PPFIA2: variants seen among roughly 807,000 people sequenced by gnomAD.
PPFIA2 encodes liprin-alpha-2.
PPFIA2 carries 46 observed loss-of-function variants against 175.5 expected under a neutral mutation model. The ratio of observed to expected loss-of-function variants is 0.26; its 90% confidence interval spans 0.21 to 0.34. The LOEUF is 0.34. Ranked by LOEUF, PPFIA2 falls within the 10% of genes least tolerant of loss-of-function variation. The probability of loss-of-function intolerance (pLI) is 1.00; values close to 1 mark genes in which losing one functional copy is unlikely to be tolerated. For synonymous variants in PPFIA2, 568 were observed against 511.4 expected, an observed-to-expected ratio of 1.11 and a Z score of -1.49; for missense variants, 1,179 against 1,506.1, an observed-to-expected ratio of 0.78 and a Z score of 3.60.
chr12:81,286,202 G>C (rs2043323571), intron 24 of PPFIA2, among the ~76,000 whole-genome samples: 1 of 151,836 alleles, frequency 6.6e-6, no homozygotes, highest in Non-Finnish European at 1.5e-5. Flanking sequence ...ATTTTAAAAA[G>C]AGTCAAAAGT....
At chr12:81,332,302 T>C (rs1235742863) in intron 21 of PPFIA2, among the ~76,000 whole-genome samples, 1 of 152,128 alleles carries the variant, frequency 6.6e-6, no homozygotes, top group Non-Finnish European at 1.5e-5. Flanking sequence ...ATCACACTTC[T>C]GACCCAGCCA....
intron 3 of PPFIA2, among the ~76,000 whole-genome samples, chr12:81,688,488 T>C (rs947425059): frequency 3.3e-5 from 5 of 151,850 alleles, no homozygotes; most frequent in Non-Finnish European, 7.4e-5. Flanking sequence ...GATCTTCTCC[T>C]ATCTGACACA....
intron 4 of PPFIA2, among the ~76,000 whole-genome samples, chr12:81,652,897 T>C (rs1476294657): frequency 1.3e-5 from 2 of 152,120 alleles, no homozygotes; most frequent in East Asian, 3.9e-4. Context: ...TCTTATGTTC[T>C]CTGTTTTGGT....
At chr12:81,574,666 C>T (rs2073185463) in intron 4 of PPFIA2, among the ~76,000 whole-genome samples, 1 of 151,052 alleles carries the variant, frequency 6.6e-6, no homozygotes, top group Non-Finnish European at 1.5e-5. Flanking sequence ...AAAATTTTGC[C>T]TGTAGTTACC....
chr12:81,385,803 GC>G lies in PPFIA2; in HGVS notation c.763-1560del, dbSNP rs528621013. 2.8e-3 allele frequency among the ~76,000 whole-genome samples: 424 copies of G among 152,178 alleles called. 2 individuals are homozygous for G. Among genetic ancestry groups the G allele is most frequent in the African/African-American group, 9.6e-3 (400 of 41,538 alleles). ...TAATGGTCTATTACACAGCATGATAGCTACAGTTAATAATAAATAATACATT... is the reference window on the plus strand; with the variant it reads ...TAATGGTCTATTACACAGCATGATAGTACAGTTAATAATAAATAATACATT... On this transcript the variant is annotated intron_variant, in intron 8 of 32. Transcript: ENST00000549396.
At position 81,258,173 on chromosome 12, in the gene PPFIA2, A is replaced by T. The variant is rs2034389319; in HGVS notation, c.*1521T>A. 6.6e-6 allele frequency: 1 copy of T among 152,164 alleles called. No individual in the cohort carries two copies. Among genetic ancestry groups the T allele is most frequent in the Admixed American group, 6.6e-5 (1 of 15,252 alleles). The allele number at this position is 152,164 out of a possible 1,614,324, so 9.4% of individuals were successfully genotyped here. Reference sequence around the variant, plus strand: ...TTGTGGCAGACTCAATTTTGAAGCTAAATATTTGGGTCACCCAAAGAACAC... The same window carrying T: ...TTGTGGCAGACTCAATTTTGAAGCTTAATATTTGGGTCACCCAAAGAACAC... On this transcript the variant is annotated 3_prime_UTR_variant, in exon 33 of 33. Transcript: ENST00000549396.
intron 4 of PPFIA2, among the ~76,000 whole-genome samples, chr12:81,591,731 G>A (rs1922399): frequency 1.3e-5 from 2 of 151,972 alleles, no homozygotes; most frequent in Non-Finnish European, 1.5e-5. Flanking sequence ...CAGAAGTCAA[G>A]AATTGAGGTT....
At chr12:81,725,606 G>GA (rs1181316769) in intron 3 of PPFIA2, among the ~76,000 whole-genome samples, 2 of 149,980 alleles carry the variant, frequency 1.3e-5, no homozygotes, top group Non-Finnish European at 3.0e-5. Flanking sequence ...CATAAAGTTA[G>GA]AAAAAATATA....
intron 4 of PPFIA2, among the ~76,000 whole-genome samples, chr12:81,563,505 T>C (rs2070642874): frequency 6.6e-6 from 1 of 152,204 alleles, no homozygotes; most frequent in African/African-American, 2.4e-5. Flanking sequence ...GGTTTCCTTT[T>C]TAGTGAATTA....
intron 4 of PPFIA2, among the ~76,000 whole-genome samples, chr12:81,586,820 A>G (rs1346924311): frequency 1.3e-5 from 2 of 151,858 alleles, no homozygotes; most frequent in African/African-American, 2.4e-5. Flanking sequence ...TTAACATTAC[A>G]TTTCTCTAAA....
At chr12:81,532,110 G>A (rs116908309) in intron 4 of PPFIA2, among the ~76,000 whole-genome samples, 126 of 151,918 alleles carry the variant, frequency 8.3e-4, no homozygotes, top group Non-Finnish European at 1.5e-3. Flanking sequence ...AAAAGCAGCC[G>A]TGACATTTGT....
At chr12:81,324,566 T>C (rs1285550919) in intron 22 of PPFIA2, among the ~76,000 whole-genome samples, 1 of 152,042 alleles carries the variant, frequency 6.6e-6, no homozygotes, top group Non-Finnish European at 1.5e-5. Context: ...CAAAGGAAAG[T>C]ATTTTTTAGA....
chr12:81,302,448 AT>A (rs894355369), intron 22 of PPFIA2, among the ~76,000 whole-genome samples: 3 of 152,128 alleles, frequency 2.0e-5, no homozygotes, highest in African/African-American at 7.2e-5. Flanking sequence ...AAAAAGTTTT[AT>A]TTTCTTGGTT....
At chr12:81,454,737 G>C (rs1194136295) in intron 5 of PPFIA2, among the ~76,000 whole-genome samples, 3 of 152,050 alleles carry the variant, frequency 2.0e-5, no homozygotes, top group South Asian at 2.1e-4. Flanking sequence ...ATTTAGCTCA[G>C]TTCATGAACA....
chr12:81,682,252 A>C (rs1388467370), intron 3 of PPFIA2, among the ~76,000 whole-genome samples: 1 of 152,010 alleles, frequency 6.6e-6, no homozygotes, highest in Non-Finnish European at 1.5e-5. Flanking sequence ...CACTGAGCAA[A>C]GGCCATATGA....
chr12:81,498,776 C>A (rs901242530), intron 4 of PPFIA2, among the ~76,000 whole-genome samples: 5 of 152,106 alleles, frequency 3.3e-5, no homozygotes, highest in African/African-American at 1.2e-4. Flanking sequence ...AGGCACACAC[C>A]ACCATGCTTG....
intron 24 of PPFIA2, among the ~76,000 whole-genome samples, chr12:81,287,544 C>T (rs1014094164): frequency 6.6e-6 from 1 of 151,958 alleles, no homozygotes; most frequent in African/African-American, 2.4e-5. Context: ...GTGAAGACCA[C>T]TGCCAGCCCT....
intron 5 of PPFIA2, 133 bp downstream of exon 5, chr12:81,457,632 G>GTAAC: frequency 1.9e-6 from 1 of 518,368 alleles, no homozygotes; most frequent in Non-Finnish European, 3.3e-6. Context: ...TTTACTTTAA[G>GTAAC]TAACTGAGTT....
intron 4 of PPFIA2, among the ~76,000 whole-genome samples, chr12:81,505,219 A>C (rs569861391): frequency 6.6e-6 from 1 of 151,800 alleles, no homozygotes; most frequent in Non-Finnish European, 1.5e-5. Flanking sequence ...ATGTATACCT[A>C]TGTAACAAAC....
Sources: allele counts gnomAD v4.1 joint callset (sites outside exome capture counted in the v4.1 genomes callset), GRCh38; gene constraint gnomAD v4.1.1; transcripts MANE v1.5; gene names NCBI Gene and HGNC (gene_info 2026-07-23, HGNC 2026-07-21).